Variants in SHISA9 observed in about 807,000 individuals in gnomAD.
SHISA9 encodes the protein protein shisa-9.
In SHISA9, 13 loss-of-function variants were observed where a neutral mutation model predicts 38.0. The observed-to-expected ratio is 0.34, with a 90% confidence interval of 0.22 to 0.54. The LOEUF (loss-of-function observed/expected upper bound fraction) is 0.54. Among genes scored for constraint, SHISA9 ranks in the 20% least tolerant of loss-of-function variants. SHISA9 has a pLI of 0.91. For missense variants in SHISA9, 538 were observed against 575.8 expected (o/e 0.93, Z 0.67); for synonymous variants, 275 against 242.0 (o/e 1.14, Z -1.27).
the SHISA9 span, among the ~76,000 whole-genome samples, chr16:13,410,956 A>G: frequency 1.3e-5 from 2 of 152,224 alleles, no homozygotes; most frequent in African/African-American, 2.4e-5. Flanking sequence ...ATCTAAAACC[A>G]GAATGAGTTG....
chr16:12,982,557 C>T (rs986260396), intron 2 of SHISA9, among the ~76,000 whole-genome samples: 1 of 152,180 alleles, frequency 6.6e-6, no homozygotes, highest in African/African-American at 2.4e-5. Flanking sequence ...CCCTGAAGTC[C>T]CCCAGCAGGG....
At chr16:13,112,156 A>G (rs182843495) in intron 2 of SHISA9, among the ~76,000 whole-genome samples, 22 of 152,306 alleles carry the variant, frequency 1.4e-4, no homozygotes, top group Admixed American at 2.0e-4. Context: ...AGGTTGTTTC[A>G]TGATTCGTCA....
the SHISA9 span, among the ~76,000 whole-genome samples, chr16:13,539,326 G>T: frequency 0.18 from 5,542 of 31,334 alleles, 551 homozygotes; most frequent in East Asian, 0.23. Flanking sequence ...ATAAAGACAG[G>T]ATCTTTATAT....
chr16:13,170,341 T>C (rs2050675252), intron 2 of SHISA9, among the ~76,000 whole-genome samples: 1 of 151,944 alleles, frequency 6.6e-6, no homozygotes, highest in Non-Finnish European at 1.5e-5. Flanking sequence ...GTGAATGGAG[T>C]AGACAAGATC....
intron 2 of SHISA9, among the ~76,000 whole-genome samples, chr16:13,079,805 T>G (rs913305365): frequency 6.6e-6 from 1 of 152,202 alleles, no homozygotes; most frequent in Non-Finnish European, 1.5e-5. Flanking sequence ...TTGCCATTGA[T>G]TTCTGGGACA....
At chr16:13,207,471 A>T (rs762972407) in intron 3 of SHISA9, among the ~76,000 whole-genome samples, 5 of 58,284 alleles carry the variant, frequency 8.6e-5, no homozygotes, top group South Asian at 1.4e-3. Flanking sequence ...TGACAAGAAT[A>T]AAAAAAAAAG....
At chr16:13,146,272 C>G (rs956112077) in intron 2 of SHISA9, among the ~76,000 whole-genome samples, 1 of 152,126 alleles carries the variant, frequency 6.6e-6, no homozygotes, top group African/African-American at 2.4e-5. Context: ...GGACTAGGCT[C>G]TGAAATGAAG....
chr16:13,073,058 TG>T (rs2073537203), intron 2 of SHISA9, among the ~76,000 whole-genome samples: 1 of 152,194 alleles, frequency 6.6e-6, no homozygotes, highest in Non-Finnish European at 1.5e-5. Flanking sequence ...TTCAGAGTGC[TG>T]GGATTACAGA....
chr16:13,398,022 C>T, the SHISA9 span, among the ~76,000 whole-genome samples: 1 of 152,196 alleles, frequency 6.6e-6, no homozygotes, highest in Non-Finnish European at 1.5e-5. Flanking sequence ...CTGCCCTGGC[C>T]AAACTCCAGG....
the SHISA9 span, among the ~76,000 whole-genome samples, chr16:13,490,283 C>T: frequency 1.3e-5 from 2 of 152,140 alleles, no homozygotes; most frequent in African/African-American, 2.4e-5. Context: ...GAAATGAGGG[C>T]CGGGCACAGT....
the SHISA9 span, among the ~76,000 whole-genome samples, chr16:13,437,864 C>CT: frequency 2.2e-3 from 226 of 104,502 alleles, 5 homozygotes; most frequent in South Asian, 0.04. Context: ...CTTTTTTTTT[C>CT]TTTTTTTTTT....
intron 2 of SHISA9, among the ~76,000 whole-genome samples, chr16:13,180,739 G>A (rs1416377969): frequency 6.6e-6 from 1 of 152,114 alleles, no homozygotes; most frequent in East Asian, 1.9e-4. Context: ...AGATCAATTT[G>A]TGGAACTGAA....
chr16:13,439,668 CAG>C, the SHISA9 span, among the ~76,000 whole-genome samples: 11 of 152,212 alleles, frequency 7.2e-5, no homozygotes, highest in African/African-American at 2.4e-4. Context: ...AAACTGAAGG[CAG>C]GAGACATGGC....
chr16:13,465,010 C>A, the SHISA9 span, among the ~76,000 whole-genome samples: 3 of 152,124 alleles, frequency 2.0e-5, no homozygotes, highest in South Asian at 2.1e-4. Context: ...CTAAAACATA[C>A]CTTTTACCAA....
chr16:13,044,230 G>A (rs1244979521), intron 2 of SHISA9, among the ~76,000 whole-genome samples: 1 of 152,140 alleles, frequency 6.6e-6, no homozygotes, highest in African/African-American at 2.4e-5. Context: ...ACAGATATCA[G>A]GTTGGTGCAA....
chr16:13,050,153 T>A (rs1279320596), intron 2 of SHISA9, among the ~76,000 whole-genome samples: 1 of 152,154 alleles, frequency 6.6e-6, no homozygotes, highest in African/African-American at 2.4e-5. Flanking sequence ...GGTTACAAAA[T>A]CATATCAATA....
At chr16:13,387,571 C>G in the SHISA9 span, among the ~76,000 whole-genome samples, 3 of 151,858 alleles carry the variant, frequency 2.0e-5, no homozygotes, top group African/African-American at 7.3e-5. Flanking sequence ...CTCACTGCAA[C>G]CCTCGCCTCC....
At chr16:13,050,858 C>T (rs935872181) in intron 2 of SHISA9, among the ~76,000 whole-genome samples, 2 of 152,154 alleles carry the variant, frequency 1.3e-5, no homozygotes, top group African/African-American at 4.8e-5. Flanking sequence ...GAAGGGTCCA[C>T]CAGGAAAATC....
Position 13,077,823 on chromosome 16 carries a change from T to G in SHISA9, c.692-125571T>G, listed in dbSNP as rs144760099. ...CACTTCTAATTACAGCCAGCCTTAG[T>G]CAATTTGGATTAATTGGGGGCAGAA... On this transcript the variant is annotated intron_variant, in intron 2 of 4. Transcript: ENST00000558583. Among the ~76,000 whole-genome samples the G allele has an allele frequency of 3.2e-4, 48 of 152,314 alleles. No homozygotes were observed. In the East Asian group the frequency reaches 8.9e-3, roughly 28 times the overall value.
Sources: allele counts gnomAD v4.1 joint callset (sites outside exome capture counted in the v4.1 genomes callset), GRCh38; gene constraint gnomAD v4.1.1; transcripts MANE v1.5; gene names NCBI Gene and HGNC (gene_info 2026-07-23, HGNC 2026-07-21).